The following GLG1 variants were observed in gnomAD, a reference collection of about 807,000 sequenced individuals.
GLG1 encodes the protein Golgi apparatus protein 1.
In GLG1, 38 loss-of-function variants were observed where a neutral mutation model predicts 160.5. The ratio of observed to expected loss-of-function variants is 0.24; its 90% CI spans 0.18 to 0.31. The LOEUF (loss-of-function observed/expected upper bound fraction) is 0.31. Among genes scored for constraint, GLG1 ranks in the 10% least tolerant of loss-of-function variants. The probability of loss-of-function intolerance (pLI) is 1.00; values close to 1 mark genes in which losing one functional copy is unlikely to be tolerated. For missense variants in GLG1, 1,373 were observed against 1,505.2 expected (o/e 0.91, Z 1.45); for synonymous variants, 644 against 543.4 (o/e 1.19, Z -2.57).
chr16:74,497,459 A>C (rs2016238394), intron 4 of GLG1, among the ~76,000 whole-genome samples: 1 of 119,510 alleles, frequency 8.4e-6, no homozygotes, highest in African/African-American at 3.2e-5. Flanking sequence ...TTTTTTTGAG[A>C]CGGAGTCTCG....
chr16:74,513,808 T>G (rs575490221), intron 2 of GLG1, among the ~76,000 whole-genome samples: 1 of 152,208 alleles, frequency 6.6e-6, no homozygotes, highest in Non-Finnish European at 1.5e-5. Context: ...TTGACAGAAG[T>G]AGGCTTCAGA....
intron 14 of GLG1, among the ~76,000 whole-genome samples, chr16:74,472,027 C>G (rs944722145): frequency 6.6e-6 from 1 of 152,112 alleles, no homozygotes; most frequent in African/African-American, 2.4e-5. Context: ...ACCTCTGCCC[C>G]CTAGGTAACT....
At chr16:74,548,111 G>C (rs907636685) in intron 1 of GLG1, among the ~76,000 whole-genome samples, 1 of 152,156 alleles carries the variant, frequency 6.6e-6, no homozygotes, top group African/African-American at 2.4e-5. Context: ...TTTTTGTAAA[G>C]TCAATAGTCA....
In GLG1 at chr16:74,465,697, C is replaced by T; in HGVS notation, c.2646G>A (p.Arg882=). 6.2e-7 allele frequency: 1 copy of T among 1,613,956 alleles called. No homozygotes were observed. The highest frequency in any genetic ancestry group is 1.7e-5 in the Admixed American group (1 of 59,994). The change falls in exon 19 of 26, where the codon AGG becomes AGA. Residue 882 remains arginine, a synonymous_variant. Coordinates refer to ENST00000422840, the MANE Select transcript of GLG1 (RefSeq NM_001145667.2). ...MDPELDYTLM[R]VCKQMIKRFC... ...TCACCTTTATCATCTGCTTGCAGACCCTCATGAGGGTGTAGTCTAGCTCTG... is the reference window on the plus strand; with the variant it reads ...TCACCTTTATCATCTGCTTGCAGACTCTCATGAGGGTGTAGTCTAGCTCTG...
intron 20 of GLG1, 130 bp from the exon 21 acceptor site, chr16:74,462,760 T>G (rs373294110): frequency 6.0e-6 from 5 of 838,944 alleles, no homozygotes; most frequent in Non-Finnish European, 7.9e-6. Flanking sequence ...ATCTATTCAA[T>G]AAACATTTAC....
intron 20 of GLG1, 95 bp from the exon 21 acceptor site, chr16:74,462,725 T>C (rs368253932): frequency 3.3e-5 from 35 of 1,070,800 alleles, no homozygotes; most frequent in Middle Eastern, 2.0e-4. Flanking sequence ...ATTATGTCAA[T>C]GATCATGACT....
intron 1 of GLG1, among the ~76,000 whole-genome samples, chr16:74,567,085 G>T (rs1169745139): frequency 6.6e-6 from 1 of 151,790 alleles, no homozygotes; most frequent in East Asian, 1.9e-4. Context: ...CCGCTTAATG[G>T]GTCTCCTAAA....
rs2014116476 is a variant in GLG1, at chr16:74,447,571, A to G, written c.*5596T>C. ...CATGTAAAAACAAGGGACCACCACGATTTTATACATAGAAAGGAAACCCAT... is the reference window on the plus strand; with the variant it reads ...CATGTAAAAACAAGGGACCACCACGGTTTTATACATAGAAAGGAAACCCAT... On this transcript the variant is annotated 3_prime_UTR_variant, in exon 26 of 26. Transcript: ENST00000422840. 1 of 152,266 alleles carries G rather than the reference A, an allele frequency of 6.6e-6. No homozygotes were observed. The highest frequency in any genetic ancestry group is 2.1e-4 in the South Asian group (1 of 4,834). The allele number at this position is 152,266 out of a possible 1,614,324, so 9.4% of individuals were successfully genotyped here. A position where few individuals can be genotyped will look rare whatever the true frequency, so the allele number is the denominator to read the frequency against.
intron 1 of GLG1, among the ~76,000 whole-genome samples, chr16:74,576,526 T>C (rs1313637793): frequency 6.6e-6 from 1 of 152,224 alleles, no homozygotes; most frequent in Non-Finnish European, 1.5e-5. Flanking sequence ...GTGGTCTCTA[T>C]GGCATCCCCT....
chr16:74,583,376 C>CT (rs1957978851), intron 1 of GLG1, among the ~76,000 whole-genome samples: 1 of 152,034 alleles, frequency 6.6e-6, no homozygotes, highest in Non-Finnish European at 1.5e-5. Context: ...AACAGTTAAA[C>CT]TTTGACTTTT....
chr16:74,491,950 TAAAACAAAACAAAAC>T (rs976579008), intron 7 of GLG1, among the ~76,000 whole-genome samples: 1 of 150,908 alleles, frequency 6.6e-6, no homozygotes, highest in Non-Finnish European at 1.5e-5. Context: ...ACAAAAAGAT[TAAAACAAAACAAAAC>T]AAAACAAAAA....
intron 1 of GLG1, among the ~76,000 whole-genome samples, chr16:74,571,647 C>G (rs1292870307): frequency 1.5e-5 from 2 of 129,408 alleles, no homozygotes; most frequent in African/African-American, 6.2e-5. Context: ...GAGCAAGGCT[C>G]CATCTCAAAA....
rs982679861 is a variant in GLG1 at position 74,462,011 on chromosome 16, G to A, written c.3036+83C>T. The A allele has an allele frequency of 4.1e-5, 30 of 726,940 alleles. No individual in the cohort carries two copies. In the African/African-American group the frequency reaches 4.9e-4, roughly 12 times the overall value. The allele number at this position is 726,940 out of a possible 1,614,324, so 45.0% of individuals were successfully genotyped here. A position where few individuals can be genotyped will look rare whatever the true frequency, so the allele number is the denominator to read the frequency against. ...ATTCACCAGATCATTCACGGCTGAA[G>A]GGAGAGAAAGTAAACAACTTTTCTC... On this transcript the variant is annotated intron_variant, in intron 22 of 25. Coordinates refer to ENST00000422840, the MANE Select transcript of GLG1 (RefSeq NM_001145667.2).
intron 3 of GLG1, 37 bp downstream of exon 3, chr16:74,508,802 A>T (rs1190450790): frequency 1.2e-6 from 1 of 840,502 alleles, no homozygotes; most frequent in African/African-American, 1.7e-5. Context: ...TTCTCCTCTA[A>T]GCCATTAGTT....
intron 2 of GLG1, among the ~76,000 whole-genome samples, chr16:74,531,465 T>A (rs948997372): frequency 2.4e-4 from 37 of 152,282 alleles, no homozygotes; most frequent in African/African-American, 8.4e-4. Context: ...ATTAAAGGCA[T>A]GCACCGCCAT....
intron 3 of GLG1, among the ~76,000 whole-genome samples, chr16:74,507,212 C>A (rs550586311): frequency 9.2e-5 from 14 of 152,232 alleles, no homozygotes; most frequent in Non-Finnish European, 2.1e-4. Flanking sequence ...TAATGCTAAT[C>A]TTTTACAAAA....
chr16:74,552,919 T>TA (rs1208415916), intron 1 of GLG1, among the ~76,000 whole-genome samples: 3 of 151,980 alleles, frequency 2.0e-5, no homozygotes, highest in East Asian at 1.9e-4. Context: ...TTACTTTTTT[T>TA]AAAAAAAACT....
rs553150382 is a variant in GLG1 at position 74,600,309 on chromosome 16, C to G, written c.438+6348G>C. Among the ~76,000 whole-genome samples, 364 of 151,986 alleles carry G rather than the reference C, an allele frequency of 2.4e-3. 1 individual carries two copies. Among genetic ancestry groups the G allele is most frequent in the Non-Finnish European group, 3.3e-3 (224 of 67,980 alleles). ...TCGGGAGGCTGAAGTGGGAGGAGAG[C>G]TTGAGCCCAGGAGTTTGAGGTTGCA... On this transcript the variant is annotated intron_variant, in intron 1 of 25. Coordinates refer to ENST00000422840, the MANE Select transcript of GLG1 (RefSeq NM_001145667.2).
chr16:74,485,208 T>C (rs1461633330), intron 9 of GLG1, among the ~76,000 whole-genome samples: 2 of 152,236 alleles, frequency 1.3e-5, no homozygotes, highest in African/African-American at 2.4e-5. Flanking sequence ...CATCCGGCCA[T>C]GGTTTAAGAG....
Sources: gnomAD v4.1 joint callset for allele counts (sites outside exome capture counted in the v4.1 genomes callset) on GRCh38, gnomAD v4.1.1 for gene constraint, MANE v1.5 for transcripts, NCBI Gene and HGNC (gene_info 2026-07-23, HGNC 2026-07-21) for gene names.